FOXJ3: variants seen among roughly 807,000 people sequenced by gnomAD.
FOXJ3 encodes the protein forkhead box J3.
In FOXJ3, 22 loss-of-function variants were observed where a neutral mutation model predicts 76.1. The ratio of observed to expected loss-of-function variants is 0.29; its 90% confidence interval spans 0.21 to 0.41. FOXJ3 has a LOEUF of 0.41. Ranked by LOEUF, FOXJ3 falls within the 10% of genes least tolerant of loss-of-function variation. FOXJ3 has a pLI of 1.00. For missense variants in FOXJ3, 613 were observed against 762.1 expected, an observed-to-expected ratio of 0.80 and a Z score of 2.30; for synonymous variants, 269 against 261.2, an observed-to-expected ratio of 1.03 and a Z score of -0.29.
Position 42,191,330 on chromosome 1 carries a change from G to A in FOXJ3, c.1324C>T (p.Pro442Ser), listed in dbSNP as rs767582303. 1.9e-6 allele frequency: 3 copies of A among 1,554,208 alleles called. No homozygotes were observed. Among genetic ancestry groups the A allele is most frequent in the Non-Finnish European group, 2.6e-6 (3 of 1,144,476 alleles). Residue 442 changes from proline to serine, a missense_variant, in exon 9 of 13, where the codon CCC becomes TCC. Physicochemically the swap from Pro to Ser is moderately conservative, Grantham distance 74. Around this residue, in one of 3 missense-constraint regions of FOXJ3, gnomAD observed 526 missense variants for 601.4 expected, o/e 0.87. Coordinates refer to ENST00000361346, the MANE Select transcript of FOXJ3 (RefSeq NM_014947.5). ...HQTLTHQAPP[P>S]PQQVSCNSGV... Reference sequence around the variant, plus strand: ...GAATTACAGGATACCTGTTGTGGGGGTGGGGGTGCCTGATGTGTTAACGTC... The same window carrying A: ...GAATTACAGGATACCTGTTGTGGGGATGGGGGTGCCTGATGTGTTAACGTC...
intron 4 of FOXJ3, among the ~76,000 whole-genome samples, chr1:42,239,783 A>T (rs1648981668): frequency 6.6e-6 from 1 of 152,220 alleles, no homozygotes; most frequent in Admixed American, 6.5e-5. Flanking sequence ...CGCAAAAAAT[A>T]TTCTCCTGTT....
At chr1:42,306,298 CTTTTTTT>C (rs9326121) in intron 2 of FOXJ3, among the ~76,000 whole-genome samples, 20 of 81,694 alleles carry the variant, frequency 2.4e-4, no homozygotes, top group East Asian at 3.8e-4. Context: ...GAACTTTTTT[CTTTTTTT>C]TTTTTTTTTT....
intron 2 of FOXJ3, among the ~76,000 whole-genome samples, chr1:42,296,891 A>G (rs1002794631): frequency 3.3e-5 from 5 of 152,192 alleles, no homozygotes; most frequent in African/African-American, 4.8e-5. Context: ...ATTGCTTTGA[A>G]TAGTATGGTC....
intron 5 of FOXJ3, among the ~76,000 whole-genome samples, chr1:42,210,131 C>T (rs1569875221): frequency 6.6e-6 from 1 of 152,214 alleles, no homozygotes; most frequent in South Asian, 2.1e-4. Context: ...CCATTTGCTA[C>T]ACCCGATGCC....
intron 1 of FOXJ3, among the ~76,000 whole-genome samples, chr1:42,318,371 C>T (rs1179010778): frequency 6.6e-6 from 1 of 152,156 alleles, no homozygotes; most frequent in East Asian, 1.9e-4. Flanking sequence ...GATGGAGTTT[C>T]GCTCTTGTCA....
chr1:42,305,993 C>CA (rs1286302843), intron 2 of FOXJ3, among the ~76,000 whole-genome samples: 1 of 152,030 alleles, frequency 6.6e-6, no homozygotes, highest in African/African-American at 2.4e-5. Context: ...ATTTTACCCA[C>CA]AAAAATTAAA....
chr1:42,214,903 T>A (rs1569894028), intron 5 of FOXJ3, among the ~76,000 whole-genome samples: 1 of 152,282 alleles, frequency 6.6e-6, no homozygotes, highest in East Asian at 1.9e-4. Flanking sequence ...CATATACAGA[T>A]CTGCATCAAA....
At chr1:42,232,672 T>C (rs1648252628) in intron 4 of FOXJ3, among the ~76,000 whole-genome samples, 1 of 152,184 alleles carries the variant, frequency 6.6e-6, no homozygotes, top group Non-Finnish European at 1.5e-5. Flanking sequence ...TTGTTTGAGT[T>C]CTTTGTAGAT....
At chr1:42,285,456 C>T (rs913969875) in intron 2 of FOXJ3, among the ~76,000 whole-genome samples, 1 of 151,234 alleles carries the variant, frequency 6.6e-6, no homozygotes. Context: ...TCTAATTACT[C>T]GAAGGAGCAA....
At chr1:42,242,359 G>A (rs1053982395) in intron 4 of FOXJ3, among the ~76,000 whole-genome samples, 1 of 151,804 alleles carries the variant, frequency 6.6e-6, no homozygotes. Context: ...ACAGTACAAA[G>A]AAACCAGAAA....
rs957065849 is a variant in FOXJ3, at chr1:42,189,202, A to G, written c.1453+101T>C. 7.4e-6 allele frequency: 6 copies of G among 813,682 alleles called. No individual in the cohort carries two copies. The African/African-American group carries it at 1.0e-4, about 14-fold the overall frequency. 50.4% of individuals were successfully genotyped at this position (813,682 alleles called of 1,614,324 possible). ...TTTTACCAACTGCAAAAGAAATGCT[A>G]TATAAGATGATGTTTATTTCTACTA... On this transcript the variant is annotated intron_variant, in intron 10 of 12. Transcript: ENST00000361346.
intron 5 of FOXJ3, among the ~76,000 whole-genome samples, chr1:42,210,487 C>T (rs1326589899): frequency 6.6e-6 from 1 of 152,124 alleles, no homozygotes; most frequent in African/African-American, 2.4e-5. Flanking sequence ...CCAGCACAGC[C>T]CATTACAACA....
At chr1:42,248,144 C>T (rs1649691448) in intron 4 of FOXJ3, among the ~76,000 whole-genome samples, 1 of 152,136 alleles carries the variant, frequency 6.6e-6, no homozygotes, top group South Asian at 2.1e-4. Flanking sequence ...GGATAGGTTT[C>T]TTTTTGGGAG....
intron 4 of FOXJ3, among the ~76,000 whole-genome samples, chr1:42,246,822 A>C: frequency 6.6e-6 from 1 of 152,222 alleles, no homozygotes; most frequent in Non-Finnish European, 1.5e-5. Flanking sequence ...TGGGATAAAG[A>C]ACATATGGTA....
rs1646275006 is a variant in FOXJ3 at position 42,179,499 on chromosome 1, C to A, written c.*211G>T. 1 of 379,374 alleles carries A rather than the reference C, an allele frequency of 2.6e-6. No homozygotes were observed. The allele number at this position is 379,374 out of a possible 1,614,324, so 23.5% of individuals were successfully genotyped here. On this transcript the variant is annotated 3_prime_UTR_variant, in exon 13 of 13. Transcript: ENST00000361346. ...AACAGTTAGGAGCTACATAGGGCAG[C>A]TGGCAGGGAGACAAACATGTAGTAC...
At chr1:42,298,586 A>G (rs955298066) in intron 2 of FOXJ3, among the ~76,000 whole-genome samples, 3 of 151,898 alleles carry the variant, frequency 2.0e-5, no homozygotes, top group African/African-American at 7.3e-5. Flanking sequence ...GCAGGCTGTC[A>G]ATTTTGTGTA....
At chr1:42,299,383 T>A (rs1320252684) in intron 2 of FOXJ3, among the ~76,000 whole-genome samples, 2 of 148,862 alleles carry the variant, frequency 1.3e-5, no homozygotes, top group East Asian at 4.0e-4. Flanking sequence ...TTTTTTTTAC[T>A]GTTATTGGTT....
chr1:42,261,203 T>C (rs1462593645), intron 4 of FOXJ3, among the ~76,000 whole-genome samples: 3 of 148,650 alleles, frequency 2.0e-5, no homozygotes, highest in Non-Finnish European at 3.0e-5. Context: ...CCCAAAGAAT[T>C]TAAAAAAAAA....
intron 1 of FOXJ3, among the ~76,000 whole-genome samples, chr1:42,318,612 T>C (rs922127238): frequency 6.6e-6 from 1 of 152,120 alleles, no homozygotes; most frequent in African/African-American, 2.4e-5. Context: ...CCCAAAGTGC[T>C]AGGATTACAG....
Sources: allele counts gnomAD v4.1 joint callset (sites outside exome capture counted in the v4.1 genomes callset), GRCh38; gene constraint gnomAD v4.1.1; regional missense constraint gnomAD v4.1.1; transcripts MANE v1.5; gene names NCBI Gene and HGNC (gene_info 2026-07-23, HGNC 2026-07-21).